Variants in ELAPOR1 observed in about 807,000 individuals in gnomAD.
The protein encoded by ELAPOR1 is endosome-lysosome associated apoptosis and autophagy regulator 1, also known as endosome/lysosome-associated apoptosis and autophagy regulator 1.
ELAPOR1 carries 77 observed loss-of-function variants against 119.7 expected under a neutral mutation model. That is an observed-to-expected ratio of 0.64 (90% confidence interval 0.54 to 0.78). The LOEUF is 0.78. ELAPOR1 is among the 30% of genes least tolerant of loss of function. The probability of loss-of-function intolerance (pLI) is 0.00; values close to 1 mark genes in which losing one functional copy is unlikely to be tolerated. For synonymous variants in ELAPOR1, 481 were observed against 487.2 expected, an observed-to-expected ratio of 0.99 and a Z score of 0.17; for missense variants, 1,115 against 1,270.4, an observed-to-expected ratio of 0.88 and a Z score of 1.86.
At chr1:109,122,063 C>G (rs1451426266) in intron 1 of ELAPOR1, among the ~76,000 whole-genome samples, 1 of 149,930 alleles carries the variant, frequency 6.7e-6, no homozygotes, top group Non-Finnish European at 1.5e-5. Context: ...TGAGCCACCA[C>G]AGCTGGCTCT....
intron 14 of ELAPOR1, 111 bp downstream of exon 14, chr1:109,192,985 T>G: frequency 1.6e-6 from 2 of 1,214,582 alleles, no homozygotes; most frequent in Non-Finnish European, 2.3e-6. Flanking sequence ...GTGCTCCCCC[T>G]AGCATACTCC....
At chr1:109,162,064 T>TC in intron 2 of ELAPOR1, 50 bp downstream of exon 2, 1 of 1,563,786 alleles carries the variant, frequency 6.4e-7, no homozygotes, top group Non-Finnish European at 8.7e-7. Context: ...CTTTGGTCTC[T>TC]CCCCCAAGTC....
chr1:109,153,485 AG>A (rs758913658), intron 1 of ELAPOR1, among the ~76,000 whole-genome samples: 3 of 152,234 alleles, frequency 2.0e-5, no homozygotes, highest in Non-Finnish European at 4.4e-5. Context: ...AATGGAAAAA[AG>A]TCAGAAAACA....
At chr1:109,164,288 T>A (rs1352088237) in intron 2 of ELAPOR1, among the ~76,000 whole-genome samples, 1 of 152,134 alleles carries the variant, frequency 6.6e-6, no homozygotes, top group Non-Finnish European at 1.5e-5. Flanking sequence ...ACAAATAGAA[T>A]GACACATAGC....
intron 1 of ELAPOR1, among the ~76,000 whole-genome samples, chr1:109,157,633 A>G (rs549146421): frequency 1.8e-4 from 27 of 152,214 alleles, no homozygotes; most frequent in African/African-American, 4.6e-4. Context: ...CCATTTTTCA[A>G]TGAGGCAGCT....
chr1:109,188,862 T>A (rs1653239548), intron 9 of ELAPOR1, among the ~76,000 whole-genome samples: 1 of 152,242 alleles, frequency 6.6e-6, no homozygotes, highest in South Asian at 2.1e-4. Flanking sequence ...CATATTGGAA[T>A]GAAGGCTCAG....
At chr1:109,131,044 G>C (rs1649123152) in intron 1 of ELAPOR1, among the ~76,000 whole-genome samples, 1 of 152,214 alleles carries the variant, frequency 6.6e-6, no homozygotes, top group Non-Finnish European at 1.5e-5. Context: ...TTAGCTGGGT[G>C]ATTCTGGCTC....
At chr1:109,155,528 C>A (rs1650826941) in intron 1 of ELAPOR1, among the ~76,000 whole-genome samples, 1 of 152,068 alleles carries the variant, frequency 6.6e-6, no homozygotes, top group Non-Finnish European at 1.5e-5. Flanking sequence ...TCCAAGTTAA[C>A]AATGTCTTCT....
At chr1:109,151,640 T>G (rs904102302) in intron 1 of ELAPOR1, among the ~76,000 whole-genome samples, 12 of 152,220 alleles carry the variant, frequency 7.9e-5, no homozygotes, top group African/African-American at 2.9e-4. Flanking sequence ...TAAGTGGAAT[T>G]CATTGGTACT....
chr1:109,191,360 C>G lies in ELAPOR1; in HGVS notation c.1440-6C>G. On this transcript the variant is annotated splice_region_variant and splice_polypyrimidine_tract_variant and intron_variant, in intron 11 of 21. Coordinates refer to ENST00000369939, the MANE Select transcript of ELAPOR1 (RefSeq NM_020775.5). ...TAGAACTGACTTTTAATTTCTGCCCCTACAGACCTCCGCAGTCGGTGATGG... is the reference window on the plus strand; with the variant it reads ...TAGAACTGACTTTTAATTTCTGCCCGTACAGACCTCCGCAGTCGGTGATGG... 6.2e-7 allele frequency: 1 copy of G among 1,610,714 alleles called. No individual in the cohort carries two copies. The highest frequency in any genetic ancestry group is 1.1e-5 in the South Asian group (1 of 91,030).
chr1:109,162,150 C>A, intron 2 of ELAPOR1, 136 bp downstream of exon 2: 1 of 915,124 alleles, frequency 1.1e-6, no homozygotes, highest in Non-Finnish European at 1.6e-6. Flanking sequence ...AATTAGTCCC[C>A]ACATCCCAGA....
chr1:109,155,501 TAGA>T (rs1185866125), intron 1 of ELAPOR1, among the ~76,000 whole-genome samples: 2 of 152,168 alleles, frequency 1.3e-5, no homozygotes, highest in Non-Finnish European at 2.9e-5. Flanking sequence ...TCTTAGAATG[TAGA>T]AGAACAGACA....
At chr1:109,140,514 G>T (rs999934862) in intron 1 of ELAPOR1, among the ~76,000 whole-genome samples, 1 of 152,176 alleles carries the variant, frequency 6.6e-6, no homozygotes. Flanking sequence ...ATAGCCTAGA[G>T]AATGGATTGG....
At chr1:109,118,472 G>T (rs1648167582) in intron 1 of ELAPOR1, among the ~76,000 whole-genome samples, 1 of 152,192 alleles carries the variant, frequency 6.6e-6, no homozygotes, top group Admixed American at 6.5e-5. Context: ...GGTTGAGGTG[G>T]GCCAACAGAT....
intron 1 of ELAPOR1, among the ~76,000 whole-genome samples, chr1:109,156,291 G>A (rs1262387819): frequency 6.6e-6 from 1 of 151,686 alleles, no homozygotes; most frequent in Non-Finnish European, 1.5e-5. Context: ...AGGATCTGTG[G>A]TATCACCTAT....
chr1:109,168,186 A>G (rs977382676), intron 3 of ELAPOR1, among the ~76,000 whole-genome samples: 1 of 152,106 alleles, frequency 6.6e-6, no homozygotes, highest in African/African-American at 2.4e-5. Context: ...CTTAACCCTC[A>G]GGTCTCTACC....
intron 3 of ELAPOR1, among the ~76,000 whole-genome samples, chr1:109,168,538 C>T (rs1651729158): frequency 6.6e-6 from 1 of 152,132 alleles, no homozygotes; most frequent in South Asian, 2.1e-4. Flanking sequence ...GTTGATGTCC[C>T]AGGGCTAAGG....
intron 18 of ELAPOR1, among the ~76,000 whole-genome samples, chr1:109,199,056 G>A (rs906416884): frequency 7.9e-5 from 12 of 152,102 alleles, no homozygotes; most frequent in Non-Finnish European, 1.3e-4. Flanking sequence ...TTCCCTCAGC[G>A]GGTTGTTTTG....
At chr1:109,195,232 G>A (rs948419003) in intron 15 of ELAPOR1, among the ~76,000 whole-genome samples, 7 of 152,096 alleles carry the variant, frequency 4.6e-5, no homozygotes, top group Admixed American at 1.3e-4. Context: ...GGTGGCTCAC[G>A]CCTGTAAACC....
Sources: allele counts gnomAD v4.1 joint callset (sites outside exome capture counted in the v4.1 genomes callset), GRCh38; gene constraint gnomAD v4.1.1; transcripts MANE v1.5; gene names NCBI Gene and HGNC (gene_info 2026-07-23, HGNC 2026-07-21).